The following GNAL variants were observed in gnomAD, a reference collection of about 807,000 sequenced individuals.
The protein encoded by GNAL is guanine nucleotide-binding protein G(olf) subunit alpha.
Under a neutral mutation model 55.1 loss-of-function variants are expected in GNAL, and 18 were observed. That is an observed-to-expected ratio of 0.33 (90% CI 0.23 to 0.48). The LOEUF (loss-of-function observed/expected upper bound fraction) is 0.48. Among genes scored for constraint, GNAL ranks in the 20% least tolerant of loss-of-function variants. The probability of loss-of-function intolerance (pLI) is 0.99; values close to 1 mark genes in which losing one functional copy is unlikely to be tolerated. For synonymous variants in GNAL, 253 were observed against 237.0 expected (o/e 1.07, Z -0.62); for missense variants, 412 against 614.1 (o/e 0.67, Z 3.48).
At chr18:11,714,547 CA>C (rs1253207979) in intron 1 of GNAL, among the ~76,000 whole-genome samples, 2 of 152,152 alleles carry the variant, frequency 1.3e-5, no homozygotes, top group Admixed American at 1.3e-4. Flanking sequence ...AGGAAGAGGT[CA>C]AATACACATT....
intron 4 of GNAL, among the ~76,000 whole-genome samples, chr18:11,779,521 C>T (rs1288838771): frequency 6.6e-6 from 1 of 152,158 alleles, no homozygotes; most frequent in Non-Finnish European, 1.5e-5. Context: ...GGAGAATTAT[C>T]TGGAATAATG....
At chr18:11,768,982 ATATTCTATAT>A in intron 4 of GNAL, among the ~76,000 whole-genome samples, 1 of 98,074 alleles carries the variant, frequency 1.0e-5, no homozygotes, top group Admixed American at 1.1e-4. Context: ...TATATATTAT[ATATTCTATAT>A]TATAATATAG....
At chr18:11,851,016 A>G (rs956485496) in intron 5 of GNAL, among the ~76,000 whole-genome samples, 5 of 152,224 alleles carry the variant, frequency 3.3e-5, no homozygotes, top group Non-Finnish European at 5.9e-5. Flanking sequence ...CGTTAGTGCG[A>G]AGACCTAGCT....
intron 5 of GNAL, among the ~76,000 whole-genome samples, chr18:11,830,396 C>G (rs1161248205): frequency 6.7e-6 from 1 of 149,886 alleles, no homozygotes; most frequent in Admixed American, 6.8e-5. Flanking sequence ...AAGCGATTCT[C>G]CTGCCTCAGC....
At position 11,813,254 on chromosome 18, in the gene GNAL, T is replaced by TAAAAAAA. The variant is rs60626923; in HGVS notation, c.625-11662_625-11656dup. 2.5e-3 allele frequency among the ~76,000 whole-genome samples: 341 copies of TAAAAAAA among 138,424 alleles called. 7 individuals are homozygous for TAAAAAAA. The highest frequency in any genetic ancestry group is 3.0e-3 in the Non-Finnish European group (196 of 65,596). The allele number at this position is 138,424 out of a possible 152,430, so 90.8% of individuals were successfully genotyped here. A position where few individuals can be genotyped will look rare whatever the true frequency, so the allele number is the denominator to read the frequency against. The stretch of plus-strand genomic sequence containing the variant: ...CTGGCGACAGGGTGAGACTCCATCT[T>TAAAAAAA]AAAAAAAAGAAAAAAAGACATAAGT... On this transcript the variant is annotated intron_variant, in intron 4 of 11. Transcript: ENST00000334049.
intron 1 of GNAL, among the ~76,000 whole-genome samples, chr18:11,729,087 G>A (rs143598914): frequency 3.3e-5 from 5 of 151,884 alleles, no homozygotes; most frequent in Non-Finnish European, 7.4e-5. Context: ...TTGATGATTT[G>A]GTATTTGGCC....
chr18:11,820,069 T>G (rs1376248713), intron 4 of GNAL, among the ~76,000 whole-genome samples: 1 of 152,126 alleles, frequency 6.6e-6, no homozygotes, highest in Admixed American at 6.6e-5. Context: ...AGGGTTGATA[T>G]AATTGTGAGA....
chr18:11,712,703 T>A (rs146876050), intron 1 of GNAL, among the ~76,000 whole-genome samples: 1 of 152,304 alleles, frequency 6.6e-6, no homozygotes, highest in East Asian at 1.9e-4. Flanking sequence ...TAATCCTCCC[T>A]AGCAAGCACG....
At chr18:11,764,886 T>C (rs2143213653) in intron 4 of GNAL, among the ~76,000 whole-genome samples, 1 of 152,344 alleles carries the variant, frequency 6.6e-6, no homozygotes, top group Admixed American at 6.5e-5. Context: ...CTGAATATAA[T>C]AGACTGTACA....
intron 5 of GNAL, among the ~76,000 whole-genome samples, chr18:11,825,449 G>T (rs943376386): frequency 1.3e-5 from 2 of 152,138 alleles, no homozygotes; most frequent in African/African-American, 4.8e-5. Flanking sequence ...TATACCAGAA[G>T]GCTGGGCCCG....
In GNAL at chr18:11,884,760, T is replaced by C. The variant is rs2036931763; in HGVS notation, c.*3625T>C. 1.5e-6 allele frequency: 2 copies of C among 1,327,130 alleles called. No homozygotes were observed. The highest frequency in any genetic ancestry group is 2.0e-6 in the Non-Finnish European group (2 of 990,694). 82.2% of individuals were successfully genotyped at this position (1,327,130 alleles called of 1,614,324 possible). On this transcript the variant is annotated 3_prime_UTR_variant, in exon 12 of 12. Transcript: ENST00000334049. ...AGGCAGGGAACGGGCCCTCCTCACC[T>C]GAGACCAAGGGGGCCCAGCCTTCTC...
chr18:11,693,979 A>C (rs2031333687), intron 1 of GNAL, among the ~76,000 whole-genome samples: 1 of 151,548 alleles, frequency 6.6e-6, no homozygotes, highest in Non-Finnish European at 1.5e-5. Context: ...CAGCCCCACA[A>C]GTAGCTGGGA....
intron 4 of GNAL, among the ~76,000 whole-genome samples, chr18:11,763,577 A>ATG (rs2143202626): frequency 6.6e-6 from 1 of 152,022 alleles, no homozygotes; most frequent in Non-Finnish European, 1.5e-5. Flanking sequence ...GGATTTCACC[A>ATG]TGTTGGCCAG....
chr18:11,725,964 C>G (rs1276515045), intron 1 of GNAL, among the ~76,000 whole-genome samples: 1 of 152,232 alleles, frequency 6.6e-6, no homozygotes, highest in Admixed American at 6.5e-5. Context: ...TCAGTCTTAG[C>G]CACCTTGCCT....
chr18:11,842,208 C>T (rs1025594588), intron 5 of GNAL, among the ~76,000 whole-genome samples: 2 of 151,878 alleles, frequency 1.3e-5, no homozygotes, highest in Admixed American at 6.6e-5. Context: ...CTCGAATTCC[C>T]GACCTCAGGT....
At chr18:11,813,466 T>C (rs2034874880) in intron 4 of GNAL, among the ~76,000 whole-genome samples, 1 of 152,226 alleles carries the variant, frequency 6.6e-6, no homozygotes, top group Non-Finnish European at 1.5e-5. Context: ...TAGAGGCTTG[T>C]CTGGAAGCAA....
chr18:11,879,174 A>T (rs2036602895), intron 11 of GNAL, among the ~76,000 whole-genome samples: 1 of 150,018 alleles, frequency 6.7e-6, no homozygotes, highest in African/African-American at 2.4e-5. Flanking sequence ...TTTTTTTTTT[A>T]ATGCTCAAGA....
At chr18:11,828,034 A>C (rs1169848857) in intron 5 of GNAL, among the ~76,000 whole-genome samples, 1 of 151,106 alleles carries the variant, frequency 6.6e-6, no homozygotes, top group East Asian at 2.0e-4. Context: ...CCTGCCCTTG[A>C]GTTTACATTT....
intron 4 of GNAL, among the ~76,000 whole-genome samples, chr18:11,803,564 G>A (rs1238960404): frequency 6.6e-6 from 1 of 152,226 alleles, no homozygotes; most frequent in East Asian, 1.9e-4. Context: ...TATTTAAAGA[G>A]GACAAGTGCA....
Sources: gnomAD v4.1 joint callset for allele counts (sites outside exome capture counted in the v4.1 genomes callset) on GRCh38, gnomAD v4.1.1 for gene constraint, MANE v1.5 for transcripts, NCBI Gene and HGNC (gene_info 2026-07-23, HGNC 2026-07-21) for gene names.